The following SMOC2 variants were observed in gnomAD, a reference collection of about 807,000 sequenced individuals.
SMOC2 encodes the protein SPARC related modular calcium binding 2.
Under a neutral mutation model 61.4 loss-of-function variants are expected in SMOC2, and 39 were observed. That is an observed-to-expected ratio of 0.64 (90% CI 0.49 to 0.83). The LOEUF (loss-of-function observed/expected upper bound fraction) is 0.83, where lower values mean the gene tolerates loss of function less well. Ranked by LOEUF, SMOC2 falls within the 40% of genes least tolerant of loss-of-function variation. SMOC2 has a pLI of 0.00. For synonymous variants in SMOC2, 247 were observed against 239.9 expected, an observed-to-expected ratio of 1.03 and a Z score of -0.27; for missense variants, 556 against 592.9, an observed-to-expected ratio of 0.94 and a Z score of 0.65.
Position 168,544,887 on chromosome 6 carries a change from G to A in SMOC2, c.511+1215G>A, listed in dbSNP as rs998596119. Among the ~76,000 whole-genome samples the A allele has an allele frequency of 1.3e-5, 2 of 152,154 alleles. No homozygotes were observed. The highest frequency in any genetic ancestry group is 4.8e-5 in the African/African-American group (2 of 41,422). On this transcript the variant is annotated intron_variant, in intron 5 of 12. Coordinates refer to ENST00000356284, the MANE Select transcript of SMOC2 (RefSeq NM_001166412.2). This position sits in a 1 kb window ranked among gnomAD's most constrained non-coding sequence, Gnocchi z 4.1. ...CCAGAGGGTGCCTACCAAGGATGAG[G>A]CAGGACTGGCTTCCTGGAAGGGGAA...
Position 168,441,427 on chromosome 6 carries a change from G to T in SMOC2, c.57G>T (p.Val19=), listed in dbSNP as rs181854551. The T allele has an allele frequency of 1.7e-4, 256 of 1,510,334 alleles. 1 individual carries two copies. In the African/African-American group the frequency reaches 2.5e-3, roughly 15 times the overall value. 93.6% of individuals were successfully genotyped at this position (1,510,334 alleles called of 1,614,324 possible). ...TGCTCGCTGGGCTGCTCCCGCCGGT[G>T]CCCGCTCAGAAGTTCTCGGCGCTCA... ...LPLLAGLLPP[V]PAQKFSALTF... Residue 19 remains valine, a synonymous_variant, in exon 1 of 13, where the codon GTG becomes GTT. Transcript: ENST00000356284.
At chr6:168,644,947 C>CTTGT (rs1786985613) in intron 9 of SMOC2, among the ~76,000 whole-genome samples, 1 of 152,018 alleles carries the variant, frequency 6.6e-6, no homozygotes, top group Non-Finnish European at 1.5e-5. Context: ...ACCAGACCCA[C>CTTGT]AAGTGAATGC....
At chr6:168,633,497 G>C (rs538329848) in intron 9 of SMOC2, among the ~76,000 whole-genome samples, 15 of 152,192 alleles carry the variant, frequency 9.9e-5, no homozygotes, top group African/African-American at 3.4e-4. Flanking sequence ...CATGCACAAA[G>C]ATTTGAACTA....
intron 1 of SMOC2, among the ~76,000 whole-genome samples, chr6:168,501,311 G>C (rs534311578): frequency 6.6e-6 from 1 of 152,182 alleles, no homozygotes; most frequent in African/African-American, 2.4e-5. Context: ...AATTAACATG[G>C]ATGTGGAGAC....
chr6:168,532,160 C>T (rs1395660069), intron 4 of SMOC2, among the ~76,000 whole-genome samples: 1 of 152,032 alleles, frequency 6.6e-6, no homozygotes, highest in East Asian at 1.9e-4. Context: ...GTGTTTCTTG[C>T]TCACAGTTTA....
intron 9 of SMOC2, among the ~76,000 whole-genome samples, chr6:168,629,883 C>T (rs779930333): frequency 6.6e-6 from 1 of 152,120 alleles, no homozygotes; most frequent in African/African-American, 2.4e-5. Flanking sequence ...TTGGTAAATC[C>T]TTTTGCCATC....
intron 6 of SMOC2, among the ~76,000 whole-genome samples, chr6:168,548,064 G>A (rs1482866470): frequency 6.6e-6 from 1 of 152,152 alleles, no homozygotes; most frequent in African/African-American, 2.4e-5. Context: ...GGGTTTAAGG[G>A]CAAAGTGTAA....
intron 7 of SMOC2, among the ~76,000 whole-genome samples, chr6:168,579,352 C>T (rs1390082526): frequency 2.6e-5 from 4 of 152,238 alleles, no homozygotes; most frequent in Non-Finnish European, 4.4e-5. Flanking sequence ...CTGTCACAGT[C>T]TATTTTAAAG....
At chr6:168,455,028 T>C (rs919663306) in intron 1 of SMOC2, among the ~76,000 whole-genome samples, 1 of 151,976 alleles carries the variant, frequency 6.6e-6, no homozygotes, top group Non-Finnish European at 1.5e-5. Flanking sequence ...GCTGTGTGTA[T>C]TGGGTTCAGG....
intron 1 of SMOC2, among the ~76,000 whole-genome samples, chr6:168,484,319 C>T (rs1782279439): frequency 6.6e-6 from 1 of 151,958 alleles, no homozygotes; most frequent in Non-Finnish European, 1.5e-5. Flanking sequence ...CACAAATAGC[C>T]ACTAAGGACA....
intron 1 of SMOC2, among the ~76,000 whole-genome samples, chr6:168,448,390 A>AGG (rs1781380003): frequency 1.2e-5 from 1 of 84,812 alleles, no homozygotes; most frequent in South Asian, 4.1e-4. Flanking sequence ...CAATGGGGAG[A>AGG]ATGGAGATGG....
At chr6:168,589,604 C>T (rs1441974747) in intron 7 of SMOC2, among the ~76,000 whole-genome samples, 1 of 152,160 alleles carries the variant, frequency 6.6e-6, no homozygotes, top group East Asian at 1.9e-4. Flanking sequence ...AGAAGCCAGC[C>T]TGGTGGTGGT....
intron 1 of SMOC2, among the ~76,000 whole-genome samples, chr6:168,449,149 C>G (rs779792792): frequency 1.6e-4 from 24 of 152,128 alleles, no homozygotes; most frequent in Non-Finnish European, 3.1e-4. Flanking sequence ...TTGTCTGATT[C>G]CCAGTGTCTG....
intron 7 of SMOC2, among the ~76,000 whole-genome samples, chr6:168,563,156 C>T (rs898355241): frequency 6.6e-6 from 1 of 152,238 alleles, no homozygotes; most frequent in African/African-American, 2.4e-5. Flanking sequence ...ATCGCGATCT[C>T]TCTGCATGGT....
At chr6:168,555,684 C>G (rs1784230850) in intron 7 of SMOC2, among the ~76,000 whole-genome samples, 1 of 152,326 alleles carries the variant, frequency 6.6e-6, no homozygotes, top group Non-Finnish European at 1.5e-5. Flanking sequence ...CAAATTCCTT[C>G]ACACCCAGGC....
rs148684581 is a variant in SMOC2, at chr6:168,600,838, A to G, written c.824+1834A>G. Reference sequence around the variant, plus strand: ...TTATTCGAGGGCCTGAAATACAAAAACAACTTGTTCACTGGAGTTTTGTGT... The same window carrying G: ...TTATTCGAGGGCCTGAAATACAAAAGCAACTTGTTCACTGGAGTTTTGTGT... On this transcript the variant is annotated intron_variant, in intron 8 of 12. Transcript: ENST00000356284. Among the ~76,000 whole-genome samples, 656 of 152,348 alleles carry G rather than the reference A, an allele frequency of 4.3e-3. 4 individuals are homozygous for G. Among genetic ancestry groups the G allele is most frequent in the African/African-American group, 0.015 (614 of 41,576 alleles).
intron 2 of SMOC2, among the ~76,000 whole-genome samples, chr6:168,513,867 C>T (rs544186499): frequency 3.6e-4 from 55 of 152,328 alleles, no homozygotes; most frequent in African/African-American, 1.2e-3. Context: ...GACTGGCCTG[C>T]TTCTAGCACT....
chr6:168,516,031 T>C (rs1162186252), intron 2 of SMOC2, among the ~76,000 whole-genome samples: 1 of 152,204 alleles, frequency 6.6e-6, no homozygotes, highest in African/African-American at 2.4e-5. Context: ...CATATGAGGC[T>C]GAGGCTGTCT....
intron 1 of SMOC2, among the ~76,000 whole-genome samples, chr6:168,502,119 A>T (rs1408673922): frequency 6.6e-6 from 1 of 152,252 alleles, no homozygotes; most frequent in Non-Finnish European, 1.5e-5. Context: ...GTGCTCACAC[A>T]GTAGAGTTGA....
Sources: allele counts gnomAD v4.1 joint callset (sites outside exome capture counted in the v4.1 genomes callset), GRCh38; gene constraint gnomAD v4.1.1; non-coding constraint Gnocchi (gnomAD v3.1); transcripts MANE v1.5; gene names NCBI Gene and HGNC (gene_info 2026-07-23, HGNC 2026-07-21).